Variants in SORCS3 observed in about 807,000 individuals in gnomAD.
SORCS3 encodes the protein sortilin related VPS10 domain containing receptor 3.
A neutral mutation model predicts 146.3 loss-of-function variants in SORCS3; 57 were observed. The observed-to-expected ratio is 0.39, with a 90% confidence interval of 0.31 to 0.49. The LOEUF (loss-of-function observed/expected upper bound fraction) is 0.49. SORCS3 is among the 20% of genes least tolerant of loss of function. The pLI, the probability that SORCS3 is intolerant of heterozygous loss-of-function variation, is 0.92. For synonymous variants in SORCS3, 653 were observed against 618.5 expected (o/e 1.06, Z -0.83); for missense variants, 1,341 against 1,575.5 (o/e 0.85, Z 2.52).
chr10:104,760,109 A>G (rs1383511433), intron 1 of SORCS3, among the ~76,000 whole-genome samples: 1 of 152,154 alleles, frequency 6.6e-6, no homozygotes, highest in Non-Finnish European at 1.5e-5. Context: ...AAAGGCCCAG[A>G]GGAGGGACCT....
chr10:105,069,420 G>T (rs1188057729), intron 5 of SORCS3, among the ~76,000 whole-genome samples: 1 of 152,104 alleles, frequency 6.6e-6, no homozygotes, highest in Non-Finnish European at 1.5e-5. Context: ...CTAATATTTG[G>T]GTCAGATTTT....
intron 5 of SORCS3, among the ~76,000 whole-genome samples, chr10:105,089,289 G>GGAATATCTT (rs1251745901): frequency 2.6e-5 from 4 of 152,192 alleles, no homozygotes; most frequent in Non-Finnish European, 5.9e-5. Context: ...CAGGAAGGAA[G>GGAATATCTT]GAATATCTTG....
intron 2 of SORCS3, among the ~76,000 whole-genome samples, chr10:104,888,560 TC>T (rs1437127339): frequency 6.6e-6 from 1 of 152,076 alleles, no homozygotes; most frequent in Admixed American, 6.5e-5. Context: ...ACCTTTTTTT[TC>T]TATGTTGACT....
intron 5 of SORCS3, 67 bp downstream of exon 5, chr10:105,043,195 C>A: frequency 2.2e-6 from 3 of 1,364,084 alleles, no homozygotes; most frequent in Non-Finnish European, 3.1e-6. Context: ...GCACTCTAGA[C>A]AGCTCTGGAC....
chr10:104,938,233 G>A (rs1220901633), intron 3 of SORCS3, among the ~76,000 whole-genome samples: 2 of 152,146 alleles, frequency 1.3e-5, no homozygotes, highest in African/African-American at 4.8e-5. Flanking sequence ...CCTGGAATGA[G>A]GCTGGGCTTT....
At chr10:104,666,290 C>T (rs1438251439) in intron 1 of SORCS3, 1 of 152,124 alleles carries the variant, frequency 6.6e-6, no homozygotes, top group Non-Finnish European at 1.5e-5. Context: ...CATCACTGCT[C>T]ATCACCATGG....
intron 2 of SORCS3, among the ~76,000 whole-genome samples, chr10:104,912,347 A>T (rs2018977505): frequency 6.6e-6 from 1 of 152,212 alleles, no homozygotes; most frequent in Non-Finnish European, 1.5e-5. Context: ...TACTTGGATT[A>T]ATAAAAATGC....
intron 5 of SORCS3, among the ~76,000 whole-genome samples, chr10:105,068,542 G>A (rs200039155): frequency 1.3e-5 from 2 of 151,968 alleles, no homozygotes; most frequent in Non-Finnish European, 2.9e-5. Context: ...GCTTCTTCTT[G>A]TTTCCTAAAA....
intron 22 of SORCS3, among the ~76,000 whole-genome samples, chr10:105,248,402 C>T (rs2119741468): frequency 6.6e-6 from 1 of 152,232 alleles, no homozygotes; most frequent in Middle Eastern, 3.4e-3. Flanking sequence ...TGTCAGTTAA[C>T]AGGGGCAGGA....
chr10:104,887,740 T>C (rs1349195962), intron 2 of SORCS3, among the ~76,000 whole-genome samples: 1 of 152,194 alleles, frequency 6.6e-6, no homozygotes, highest in Non-Finnish European at 1.5e-5. Context: ...CCACTTCTGA[T>C]AGTTGTGCTC....
At chr10:104,714,016 A>T (rs1042241591) in intron 1 of SORCS3, among the ~76,000 whole-genome samples, 1 of 152,314 alleles carries the variant, frequency 6.6e-6, no homozygotes, top group East Asian at 1.9e-4. Flanking sequence ...TCCATTTTAT[A>T]TGAAGTATCA....
chr10:104,963,813 C>A (rs1329358937), intron 3 of SORCS3, among the ~76,000 whole-genome samples: 1 of 152,116 alleles, frequency 6.6e-6, no homozygotes, highest in Non-Finnish European at 1.5e-5. Flanking sequence ...GTTGTTCAGG[C>A]CCCAAATCTA....
intron 2 of SORCS3, among the ~76,000 whole-genome samples, chr10:104,881,727 G>A (rs1031672251): frequency 2.0e-5 from 3 of 152,144 alleles, no homozygotes; most frequent in Middle Eastern, 3.2e-3. Context: ...GAAGTGTGTA[G>A]TAACTTGCGT....
intron 9 of SORCS3, among the ~76,000 whole-genome samples, chr10:105,149,826 A>T (rs2056155997): frequency 6.6e-6 from 1 of 152,170 alleles, no homozygotes; most frequent in African/African-American, 2.4e-5. Flanking sequence ...ACAGTGTGAC[A>T]CAGTGATATG....
chr10:104,681,380 C>T (rs1012293218), intron 1 of SORCS3, among the ~76,000 whole-genome samples: 4 of 152,210 alleles, frequency 2.6e-5, no homozygotes, highest in African/African-American at 9.6e-5. Context: ...GAACCCAGGC[C>T]CCAGCCCTCC....
intron 1 of SORCS3, among the ~76,000 whole-genome samples, chr10:104,796,159 T>A (rs1433980211): frequency 6.6e-6 from 1 of 152,208 alleles, no homozygotes; most frequent in East Asian, 1.9e-4. Flanking sequence ...TGTTCTCACA[T>A]TTGGGTTTAA....
At chr10:104,935,040 T>G (rs188445378) in intron 3 of SORCS3, among the ~76,000 whole-genome samples, 2 of 152,318 alleles carry the variant, frequency 1.3e-5, no homozygotes, top group Non-Finnish European at 2.9e-5. Context: ...TGAGGAGGAC[T>G]ATTAAGCAAT....
chr10:105,158,101 A>G (rs2056228199), intron 10 of SORCS3, among the ~76,000 whole-genome samples: 4 of 152,312 alleles, frequency 2.6e-5, no homozygotes, highest in Admixed American at 2.0e-4. Context: ...TGCTTCAGGT[A>G]CTAGGAGGGT....
intron 1 of SORCS3, among the ~76,000 whole-genome samples, chr10:104,724,177 A>G (rs1328399829): frequency 1.3e-5 from 2 of 152,178 alleles, no homozygotes; most frequent in African/African-American, 4.8e-5. Context: ...CCTGGTGGTG[A>G]CAAAATCTCT....
Sources: gnomAD v4.1 joint callset for allele counts (sites outside exome capture counted in the v4.1 genomes callset) on GRCh38, gnomAD v4.1.1 for gene constraint, MANE v1.5 for transcripts, NCBI Gene and HGNC (gene_info 2026-07-23, HGNC 2026-07-21) for gene names.